ZFHX3: variants seen among roughly 807,000 people sequenced by gnomAD.
ZFHX3 encodes zinc finger homeobox 3, also known as zinc finger homeobox protein 3.
ZFHX3 carries 42 observed loss-of-function variants against 279.1 expected under a neutral mutation model. That is an observed-to-expected ratio of 0.15 (90% CI 0.12 to 0.19). The LOEUF (loss-of-function observed/expected upper bound fraction) is 0.19, where lower values mean the gene tolerates loss of function less well. Ranked by LOEUF, ZFHX3 falls within the 10% of genes least tolerant of loss-of-function variation. The probability of loss-of-function intolerance (pLI) is 1.00; values close to 1 mark genes in which losing one functional copy is unlikely to be tolerated. For missense variants in ZFHX3, 4,981 were observed against 4,754.0 expected, an observed-to-expected ratio of 1.05 and a Z score of -1.40; for synonymous variants, 2,293 against 1,957.8, an observed-to-expected ratio of 1.17 and a Z score of -4.52.
intron 1 of ZFHX3, among the ~76,000 whole-genome samples, chr16:73,710,001 G>A (rs943234117): frequency 6.1e-5 from 9 of 148,368 alleles, no homozygotes; most frequent in African/African-American, 2.2e-4. Context: ...GGCCAACATG[G>A]TGAAGCCTCA....
At chr16:72,964,885 G>C (rs1961758975) in intron 1 of ZFHX3, among the ~76,000 whole-genome samples, 1 of 152,068 alleles carries the variant, frequency 6.6e-6, no homozygotes, top group Non-Finnish European at 1.5e-5. Flanking sequence ...TATGGGTGTG[G>C]AGTCTATGCT....
intron 1 of ZFHX3, among the ~76,000 whole-genome samples, chr16:73,862,918 T>A (rs976769465): frequency 1.3e-4 from 19 of 151,996 alleles, no homozygotes; most frequent in Middle Eastern, 3.2e-3. Context: ...AACAGATTAA[T>A]TAGTAGAAGC....
chr16:73,569,920 G>A (rs1158251829), intron 2 of ZFHX3, among the ~76,000 whole-genome samples: 2 of 151,348 alleles, frequency 1.3e-5, no homozygotes, highest in Non-Finnish European at 1.5e-5. Flanking sequence ...GCAACCACCC[G>A]TTTCCCTTAA....
chr16:73,381,664 G>A (rs902444843), intron 3 of ZFHX3, among the ~76,000 whole-genome samples: 4 of 152,160 alleles, frequency 2.6e-5, no homozygotes, highest in African/African-American at 7.2e-5. Context: ...TTTAGACCAG[G>A]AATATCCAAT....
chr16:72,788,685 C>G lies in ZFHX3; in HGVS notation c.9591G>C (p.Gln3197His), dbSNP rs1555515881. 3.1e-6 allele frequency: 5 copies of G among 1,609,568 alleles called. No individual in the cohort carries two copies. The highest frequency in any genetic ancestry group is 2.2e-5 in the East Asian group (1 of 44,838). ...TMAMGPQQPP[Q>H]QQQQQQQPQV... is the part of the protein sequence containing the mutation. Reference sequence around the variant, plus strand: ...GTGGTTGCTGCTGCTGCTGCTGCTGCTGGGGGGGTTGCTGAGGGCCCATCG... The same window carrying G: ...GTGGTTGCTGCTGCTGCTGCTGCTGGTGGGGGGGTTGCTGAGGGCCCATCG... Residue 3197 changes from glutamine (Q) to histidine (H), a missense_variant, in exon 10 of 10, where the codon CAG (glutamine) becomes CAC (histidine). Physicochemically the swap from Gln to His is conservative, Grantham distance 24. Around this residue, in one of 7 missense-constraint regions of ZFHX3, gnomAD observed 1,034 missense variants for 786.0 expected, o/e 1.32. Coordinates refer to ENST00000268489, the MANE Select transcript of ZFHX3 (RefSeq NM_006885.4).
intron 2 of ZFHX3, among the ~76,000 whole-genome samples, chr16:73,586,613 A>G (rs1161316508): frequency 1.3e-5 from 2 of 152,198 alleles, no homozygotes; most frequent in African/African-American, 2.4e-5. Context: ...TTCATGACAC[A>G]GCCTCATATA....
At chr16:72,913,845 C>T (rs1479673807) in intron 3 of ZFHX3, among the ~76,000 whole-genome samples, 2 of 152,138 alleles carry the variant, frequency 1.3e-5, no homozygotes, top group African/African-American at 4.8e-5. Context: ...CCTGGGCTCT[C>T]GACAATGGAA....
At chr16:73,413,440 TGTAATTGACCCCAAGA>T (rs1312751002) in intron 3 of ZFHX3, among the ~76,000 whole-genome samples, 1 of 152,160 alleles carries the variant, frequency 6.6e-6, no homozygotes, top group Non-Finnish European at 1.5e-5. Context: ...AGGACTGCCA[TGTAATTGACCCCAAGA>T]CATAGCAGGC....
At chr16:73,622,785 G>T (rs139027675) in intron 2 of ZFHX3, among the ~76,000 whole-genome samples, 31 of 152,264 alleles carry the variant, frequency 2.0e-4, no homozygotes, top group African/African-American at 3.6e-4. Flanking sequence ...GAGGGACCCT[G>T]AAGTCTATGG....
chr16:72,877,722 G>A (rs1474822222), intron 4 of ZFHX3, among the ~76,000 whole-genome samples: 1 of 152,216 alleles, frequency 6.6e-6, no homozygotes, highest in East Asian at 1.9e-4. Flanking sequence ...GCCCCAAAGA[G>A]CTATGTTGAT....
intron 7 of ZFHX3, among the ~76,000 whole-genome samples, chr16:72,801,795 A>T (rs1187879513): frequency 1.3e-5 from 2 of 152,150 alleles, no homozygotes; most frequent in Non-Finnish European, 2.9e-5. Context: ...TTTTAATAGA[A>T]GGCATTTCTG....
intron 5 of ZFHX3, chr16:73,232,507 A>G (rs895401111): frequency 1.3e-5 from 2 of 152,258 alleles, no homozygotes; most frequent in African/African-American, 2.4e-5. Context: ...ACACGGGTGG[A>G]AGAGAAAGAG....
intron 2 of ZFHX3, among the ~76,000 whole-genome samples, chr16:73,500,432 A>G (rs1169040162): frequency 6.6e-6 from 1 of 151,946 alleles, no homozygotes; most frequent in Non-Finnish European, 1.5e-5. Context: ...GGCTCAAGCA[A>G]TCCTTCCACC....
intron 2 of ZFHX3, among the ~76,000 whole-genome samples, chr16:73,510,635 G>A (rs1311351557): frequency 6.6e-6 from 1 of 152,240 alleles, no homozygotes; most frequent in Non-Finnish European, 1.5e-5. Flanking sequence ...TCCAAAGGGA[G>A]AAATCTGTAT....
chr16:73,637,441 C>G lies in ZFHX3; in HGVS notation c.-1547+42739G>C, dbSNP rs1224101458. ...AGAGACGGGGTTTCACTATGTTTGT[C>G]AGTCTGGTCTTGAACTCCTGACCTC... On this transcript the variant is annotated intron_variant, in intron 2 of 17. Transcript: ENST00000641206. Among the ~76,000 whole-genome samples the G allele has an allele frequency of 6.6e-5, 10 of 151,838 alleles. No individual in the cohort carries two copies. The East Asian group carries it at 9.7e-4, about 15-fold the overall frequency.
chr16:73,491,409 C>A (rs1159405259), intron 2 of ZFHX3, among the ~76,000 whole-genome samples: 1 of 152,178 alleles, frequency 6.6e-6, no homozygotes, highest in Non-Finnish European at 1.5e-5. Flanking sequence ...ATGCAGATAG[C>A]TGGAAAGCAC....
At chr16:73,396,464 T>C (rs922553677) in intron 3 of ZFHX3, among the ~76,000 whole-genome samples, 9 of 152,312 alleles carry the variant, frequency 5.9e-5, no homozygotes, top group Non-Finnish European at 1.3e-4. Context: ...ACTAAGTGTG[T>C]TAGTCTGTTT....
At chr16:73,786,868 C>CT (rs778626005) in intron 1 of ZFHX3, among the ~76,000 whole-genome samples, 11 of 152,178 alleles carry the variant, frequency 7.2e-5, no homozygotes, top group Non-Finnish European at 1.5e-4. Context: ...CCCATACCCA[C>CT]AGAGGCAGCC....
At chr16:73,682,962 G>GAAAAGA (rs575398750) in intron 1 of ZFHX3, among the ~76,000 whole-genome samples, 2 of 24,892 alleles carry the variant, frequency 8.0e-5, no homozygotes, top group African/African-American at 2.5e-4. Context: ...AAGAAAGAAA[G>GAAAAGA]AAAGAAAGAA....
Sources: allele counts gnomAD v4.1 joint callset (sites outside exome capture counted in the v4.1 genomes callset), GRCh38; gene constraint gnomAD v4.1.1; regional missense constraint gnomAD v4.1.1; transcripts MANE v1.5; gene names NCBI Gene and HGNC (gene_info 2026-07-23, HGNC 2026-07-21).